Variants in CCDC138 observed in about 807,000 individuals in gnomAD.
CCDC138 encodes coiled-coil domain containing 138, also known as coiled-coil domain-containing protein 138.
In CCDC138, 66 loss-of-function variants were observed where a neutral mutation model predicts 82.3. That is an observed-to-expected ratio of 0.80 (90% confidence interval 0.66 to 0.98). The LOEUF (loss-of-function observed/expected upper bound fraction) is 0.98. Among genes scored for constraint, CCDC138 ranks in the 50% least tolerant of loss-of-function variants. CCDC138 has a pLI of 0.00. For missense variants in CCDC138, 816 were observed against 758.9 expected (o/e 1.08, Z -0.88); for synonymous variants, 297 against 265.4 (o/e 1.12, Z -1.16).
intron 12 of CCDC138, among the ~76,000 whole-genome samples, chr2:108,853,965 A>AAAATATATATAATATATAATATATAAT: frequency 1.8e-5 from 2 of 113,270 alleles, no homozygotes; most frequent in African/African-American, 7.1e-5. Context: ...TATATATAAT[A>AAAATATATATAATATATAATATATAAT]AAATATATAT....
intron 10 of CCDC138, among the ~76,000 whole-genome samples, chr2:108,826,645 C>A (rs558051274): frequency 6.6e-6 from 1 of 152,274 alleles, no homozygotes; most frequent in South Asian, 2.1e-4. Flanking sequence ...ACACTCGATT[C>A]ATTACTGTAG....
chr2:108,876,090 G>A lies in CCDC138; in HGVS notation c.1835G>A (p.Ser612Asn), dbSNP rs1246000517. ...IILQKLSKIK[S>N]NKKLFELFTI... ...TAATGTATTCATTTTTTTTACAGGA[G>A]TAATAAGAAGCTCTTTGAACTTTTT... Residue 612 changes from serine (S) to asparagine (N), a missense_variant and splice_region_variant, in exon 15 of 15, where the codon AGT becomes AAT. Transcript: ENST00000295124. 1.9e-6 allele frequency: 3 copies of A among 1,576,764 alleles called. No individual in the cohort carries two copies. The highest frequency in any genetic ancestry group is 4.5e-5 in the East Asian group (2 of 44,576).
At chr2:108,861,781 T>C (rs1309629154) in intron 13 of CCDC138, among the ~76,000 whole-genome samples, 1 of 151,414 alleles carries the variant, frequency 6.6e-6, no homozygotes, top group East Asian at 1.9e-4. Flanking sequence ...GCGCCCGGCC[T>C]AAACCTCGGC....
chr2:108,833,694 G>T (rs1484753361), intron 10 of CCDC138, among the ~76,000 whole-genome samples: 5 of 148,662 alleles, frequency 3.4e-5, no homozygotes, highest in African/African-American at 9.9e-5. Context: ...AAATTTTTTT[G>T]TTGACAAAAT....
chr2:108,814,241 A>G (rs1490856398), intron 9 of CCDC138, among the ~76,000 whole-genome samples: 1 of 152,216 alleles, frequency 6.6e-6, no homozygotes, highest in Non-Finnish European at 1.5e-5. Flanking sequence ...ACAGTGTATC[A>G]AAGTTTTGGT....
rs772737066 is a variant in CCDC138, at chr2:108,794,554, A to G, written c.409A>G (p.Asn137Asp). ...KEIEKVALPT[N>D]TTSSRPRTEC... ...TTTCTTTGCAGTTGCCTTGCCAACT[A>G]ATACGACCTCATCGAGACCTCGGAC... Residue 137 changes from asparagine (N) to aspartate (D), a missense_variant, in exon 5 of 15, where the codon AAT (asparagine) becomes GAT (aspartate). Transcript: ENST00000295124. 15 of 1,609,868 alleles carry G rather than the reference A, an allele frequency of 9.3e-6. No homozygotes were observed. The East Asian group carries it at 2.7e-4, about 29-fold the overall frequency.
intron 12 of CCDC138, among the ~76,000 whole-genome samples, chr2:108,850,021 T>C (rs1030282145): frequency 6.6e-6 from 1 of 152,218 alleles, no homozygotes; most frequent in African/African-American, 2.4e-5. Context: ...GCCTTTGTCC[T>C]GGCCAAATCC....
chr2:108,798,696 C>T (rs1379307325), intron 6 of CCDC138, 110 bp downstream of exon 6: 1 of 686,656 alleles, frequency 1.5e-6, no homozygotes. Flanking sequence ...CCTTCCTCCT[C>T]CTCTCCACGC....
At position 108,788,933 on chromosome 2, in the gene CCDC138, T is replaced by A. The variant is rs1461889191; in HGVS notation, c.233T>A (p.Leu78Ter). The A allele has an allele frequency of 6.2e-7, 1 of 1,614,126 alleles. No individual in the cohort carries two copies. The highest frequency in any genetic ancestry group is 8.5e-7 in the Non-Finnish European group (1 of 1,179,998). Residue 78 changes from leucine (L) to a stop codon, truncating the protein, a stop_gained, in exon 3 of 15, where the codon TTG becomes TAG. Transcript: ENST00000295124. LOFTEE classifies it high-confidence loss of function. ...SDESKHCRTP[L>*]GSLFKHVNVN... The stretch of plus-strand genomic sequence containing the variant: ...GAAAGCAAGCATTGTAGAACACCAT[T>A]GGGCAGCTTATTCAAGCACGTAAAT...
chr2:108,884,621 A>G (rs1412101121), intron 2 of CCDC138: 1 of 152,234 alleles, frequency 6.6e-6, no homozygotes, highest in Non-Finnish European at 1.5e-5. Context: ...CATAATAAAC[A>G]TCAGAAAGTC....
At chr2:108,808,614 T>C (rs1683250364) in intron 7 of CCDC138, among the ~76,000 whole-genome samples, 1 of 152,236 alleles carries the variant, frequency 6.6e-6, no homozygotes, top group African/African-American at 2.4e-5. Context: ...TGATTAGTGA[T>C]ATTGAGCATT....
chr2:108,837,158 G>A (rs1397336854), intron 10 of CCDC138, among the ~76,000 whole-genome samples: 1 of 152,154 alleles, frequency 6.6e-6, no homozygotes, highest in African/African-American at 2.4e-5. Flanking sequence ...TACCTTCAGA[G>A]TGTAATCTGT....
intron 6 of CCDC138, among the ~76,000 whole-genome samples, chr2:108,804,587 T>G (rs1682522301): frequency 6.6e-6 from 1 of 152,204 alleles, no homozygotes; most frequent in Non-Finnish European, 1.5e-5. Context: ...AGAAAATATT[T>G]CCATGAGTTT....
At chr2:108,795,603 G>A (rs1680742436) in intron 5 of CCDC138, among the ~76,000 whole-genome samples, 2 of 152,192 alleles carry the variant, frequency 1.3e-5, no homozygotes, top group Admixed American at 6.5e-5. Flanking sequence ...ATTTCGTTTT[G>A]TCAAAGTAAT....
At chr2:108,865,309 A>G (rs1385195022) in intron 13 of CCDC138, among the ~76,000 whole-genome samples, 2 of 152,214 alleles carry the variant, frequency 1.3e-5, no homozygotes, top group Admixed American at 6.5e-5. Flanking sequence ...ATAACCGTAT[A>G]CAAAACTTAA....
Position 108,828,212 on chromosome 2 carries a change from C to CA in CCDC138, c.1207-10968dup, listed in dbSNP as rs1429526599. Among the ~76,000 whole-genome samples, 7 of 151,566 alleles carry CA rather than the reference C, an allele frequency of 4.6e-5. No individual in the cohort carries two copies. The East Asian group carries it at 1.4e-3, about 29-fold the overall frequency. On this transcript the variant is annotated intron_variant, in intron 10 of 14. Coordinates refer to ENST00000295124, the MANE Select transcript of CCDC138 (RefSeq NM_144978.3). ...GGTTATCGTGAAACCATAGAAAACC[C>CA]AAAAATATAACATTAAATATTTATC...
At chr2:108,849,135 A>T (rs1690990056) in intron 12 of CCDC138, among the ~76,000 whole-genome samples, 1 of 152,226 alleles carries the variant, frequency 6.6e-6, no homozygotes, top group African/African-American at 2.4e-5. Context: ...ACGACTAGTG[A>T]ACTGGGATAC....
rs13392635 is a variant in CCDC138, at chr2:108,850,742, C to T, written c.1516+3812C>T. Among the ~76,000 whole-genome samples, 25 of 152,254 alleles carry T rather than the reference C, an allele frequency of 1.6e-4. No individual in the cohort carries two copies. In the East Asian group the frequency reaches 4.8e-3, roughly 29 times the overall value. ...CTGGGATTACAGGCGTGAGCCACTG[C>T]GCCTGGCCAGTTGGTGAGTTTTGAC... On this transcript the variant is annotated intron_variant, in intron 12 of 14. Coordinates refer to ENST00000295124, the MANE Select transcript of CCDC138 (RefSeq NM_144978.3).
intron 7 of CCDC138, among the ~76,000 whole-genome samples, chr2:108,809,061 G>T (rs1029091582): frequency 6.6e-6 from 1 of 152,122 alleles, no homozygotes; most frequent in Non-Finnish European, 1.5e-5. Flanking sequence ...TGCATGATTT[G>T]TTGAGGAGAC....
Sources: gnomAD v4.1 joint callset for allele counts (sites outside exome capture counted in the v4.1 genomes callset) on GRCh38, gnomAD v4.1.1 for gene constraint, MANE v1.5 for transcripts, NCBI Gene and HGNC (gene_info 2026-07-23, HGNC 2026-07-21) for gene names.